The following ZSWIM8 variants were observed in gnomAD, a reference collection of about 807,000 sequenced individuals.
ZSWIM8 encodes the protein zinc finger SWIM-type containing 8, also known as zinc finger SWIM domain-containing protein 8.
ZSWIM8 carries 27 observed loss-of-function variants against 173.7 expected under a neutral mutation model. The observed-to-expected ratio is 0.16, with a 90% CI of 0.11 to 0.21. The LOEUF is 0.21. Ranked by LOEUF, ZSWIM8 falls within the 10% of genes least tolerant of loss-of-function variation. The probability of loss-of-function intolerance (pLI) is 1.00; values close to 1 mark genes in which losing one functional copy is unlikely to be tolerated. For synonymous variants in ZSWIM8, 958 were observed against 962.0 expected (o/e 1.00, Z 0.08); for missense variants, 1,627 against 2,428.8 (o/e 0.67, Z 6.94).
At position 73,793,639 on chromosome 10, in the gene ZSWIM8, G is replaced by T; in HGVS notation, c.2365G>T (p.Ala789Ser). The change falls in exon 11 of 26, where the codon GCC (alanine) becomes TCC (serine). Residue 789 changes from alanine to serine, a missense_variant. This residue lies in a region of ZSWIM8 where 383 missense variants were observed against 394.8 expected (regional missense o/e 0.97). Coordinates refer to ENST00000604729, the MANE Select transcript of ZSWIM8 (RefSeq NM_001367799.1). ...ALHAHGYSSE[A>S]SRLTVELAQD... ...GCATGCGCATGGCTATAGCAGTGAG[G>T]CCTCCCGTCTCACTGTGGAGCTTGC... is the stretch of plus-strand genomic sequence containing the variant. 6.2e-7 allele frequency: 1 copy of T among 1,613,502 alleles called. No individual in the cohort carries two copies. The highest frequency in any genetic ancestry group is 8.5e-7 in the Non-Finnish European group (1 of 1,179,602).
Position 73,800,827 on chromosome 10 carries a change from A to C in ZSWIM8, c.5122+68A>C. The C allele has an allele frequency of 8.1e-7, 1 of 1,234,640 alleles. No individual in the cohort carries two copies. The highest frequency in any genetic ancestry group is 1.1e-6 in the Non-Finnish European group (1 of 876,524). The allele number at this position is 1,234,640 out of a possible 1,614,324, so 76.5% of individuals were successfully genotyped here. On this transcript the variant is annotated intron_variant, in intron 24 of 25. Coordinates refer to ENST00000604729, the MANE Select transcript of ZSWIM8 (RefSeq NM_001367799.1). The surrounding 1 kb of genome is among the most constrained non-coding windows in gnomAD (Gnocchi z 4.1). ...GCTCTCCCCACCTTCCTTATCCCAG[A>C]CCTCCTTCCTAGCTCTTGCTCAGAG...
rs373698947 is a variant in ZSWIM8 at position 73,793,959 on chromosome 10, G to C, written c.2540G>C (p.Arg847Pro). ...TTCCTGTTGACAGTGCTAAGTGAGC[G>C]TCCAGAGCACCACAACCTGGCCTTC... ...AAFLLTVLSE[R>P]PEHHNLAFRV... Residue 847 changes from arginine (R) to proline (P), a missense_variant, in exon 12 of 26, where the codon CGT becomes CCT. Physicochemically the swap from Arg to Pro is moderately radical, Grantham distance 103. This residue lies in a region of ZSWIM8 where 169 missense variants were observed against 235.3 expected (regional missense o/e 0.72). Transcript: ENST00000604729. 14 of 1,613,220 alleles carry C rather than the reference G, an allele frequency of 8.7e-6. No individual in the cohort carries two copies. In the African/African-American group the frequency reaches 1.3e-4, roughly 15 times the overall value.
chr10:73,801,340 C>G lies in ZSWIM8; in HGVS notation c.5326C>G (p.Leu1776Val), dbSNP rs1271745633. Residue 1776 changes from leucine (L) to valine (V), a missense_variant, in exon 26 of 26, where the codon CTG (leucine) becomes GTG (valine). Physicochemically the swap from Leu to Val is conservative, Grantham distance 32. This residue lies in a region of ZSWIM8 where 122 missense variants were observed against 196.1 expected (regional missense o/e 0.62). Transcript: ENST00000604729. The surrounding 1 kb of genome is among the most constrained non-coding windows in gnomAD (Gnocchi z 4.9). ...GTACATCCACCACCGCTTGATTCAC[C>G]TGACTCCTGCGGACTACGACGACTT... ...MQYIHHRLIH[L>V]TPADYDDFVN... The G allele has an allele frequency of 6.2e-7, 1 of 1,613,950 alleles. No homozygotes were observed. Among genetic ancestry groups the G allele is most frequent in the South Asian group, 1.1e-5 (1 of 91,088 alleles).
chr10:73,785,812 AC>A lies in ZSWIM8; in HGVS notation c.-62del. 1 of 1,452,312 alleles carries A rather than the reference AC, an allele frequency of 6.9e-7. No individual in the cohort carries two copies. The highest frequency in any genetic ancestry group is 9.1e-7 in the Non-Finnish European group (1 of 1,098,878). The allele number at this position is 1,452,312 out of a possible 1,614,324, so 90.0% of individuals were successfully genotyped here. A position where few individuals can be genotyped will look rare whatever the true frequency, so the allele number is the denominator to read the frequency against. On this transcript the variant is annotated 5_prime_UTR_variant, in exon 1 of 26. Coordinates refer to ENST00000604729, the MANE Select transcript of ZSWIM8 (RefSeq NM_001367799.1). ...CCCTCAGGCCCCGGGCCTCCCCTCA[AC>A]CCCCGGCCGGCGGCCCAGGCCCCGG...
intron 11 of ZSWIM8, 47 bp downstream of exon 11, chr10:73,793,766 AC>A: frequency 6.8e-7 from 1 of 1,473,924 alleles, no homozygotes; most frequent in Non-Finnish European, 9.1e-7. Flanking sequence ...CTTACCCCCA[AC>A]CTGCTCCCAT....
chr10:73,792,701 C>T lies in ZSWIM8; in HGVS notation c.2162C>T (p.Ala721Val). ...CCCAAAACCAAAGAGGCAGCCCCTG[C>T]AGTTGGAGAGGAGGATGATGACTAC... ...GLPKTKEAAP[A>V]VGEEDDDYQA... Residue 721 changes from alanine (A) to valine (V), a missense_variant, in exon 10 of 26, where the codon GCA (alanine) becomes GTA (valine). Physicochemically the swap from Ala to Val is moderately conservative, Grantham distance 64. Around this residue, in one of 18 missense-constraint regions of ZSWIM8, gnomAD observed 383 missense variants for 394.8 expected, o/e 0.97. Coordinates refer to ENST00000604729, the MANE Select transcript of ZSWIM8 (RefSeq NM_001367799.1). This position sits in a 1 kb window ranked among gnomAD's most constrained non-coding sequence, Gnocchi z 4.3. 1 of 1,613,914 alleles carries T rather than the reference C, an allele frequency of 6.2e-7. No homozygotes were observed. The highest frequency in any genetic ancestry group is 1.1e-5 in the South Asian group (1 of 91,084).
chr10:73,791,512 T>A lies in ZSWIM8; in HGVS notation c.1319+13T>A, dbSNP rs534583434. On this transcript the variant is annotated intron_variant, in intron 9 of 25. Transcript: ENST00000604729. This position sits in a 1 kb window ranked among gnomAD's most constrained non-coding sequence, Gnocchi z 6.0. ...TCAGCCCCCAGCGGTGAGTCTCCCC[T>A]GAGGCTCACCACAGAACTGAGCCTG... 198 of 1,583,352 alleles carry A rather than the reference T, an allele frequency of 1.3e-4. 1 individual carries two copies. The Admixed American group carries it at 1.4e-3, about 11-fold the overall frequency.
In ZSWIM8 at chr10:73,793,697, A is replaced by C; in HGVS notation, c.2423A>C (p.Lys808Thr). ...QDLLANPPDL[K>T]VEPPPAKGKK... ...CTGCTAGCCAACCCACCCGACCTCAAGGTAGAGCCGCCCCCTGCCAAGGTG... is the reference window on the plus strand; with the variant it reads ...CTGCTAGCCAACCCACCCGACCTCACGGTAGAGCCGCCCCCTGCCAAGGTG... Residue 808 changes from lysine (K) to threonine (T), a missense_variant, in exon 11 of 26, where the codon AAG becomes ACG. This residue lies in a region of ZSWIM8 where 169 missense variants were observed against 235.3 expected (regional missense o/e 0.72). Coordinates refer to ENST00000604729, the MANE Select transcript of ZSWIM8 (RefSeq NM_001367799.1). 1 of 1,612,566 alleles carries C rather than the reference A, an allele frequency of 6.2e-7. No individual in the cohort carries two copies. Among genetic ancestry groups the C allele is most frequent in the Non-Finnish European group, 8.5e-7 (1 of 1,179,234 alleles).
chr10:73,797,284 G>T lies in ZSWIM8; in HGVS notation c.3433+13G>T. ...AAGAAGCACACAGGTAGGATAGCCT[G>T]TGGGCTAGCATAGAGGGAAGGATAA... is the stretch of plus-strand genomic sequence containing the variant. On this transcript the variant is annotated intron_variant, in intron 17 of 25. Coordinates refer to ENST00000604729, the MANE Select transcript of ZSWIM8 (RefSeq NM_001367799.1). This position sits in a 1 kb window ranked among gnomAD's most constrained non-coding sequence, Gnocchi z 5.6. 2 of 1,613,940 alleles carry T rather than the reference G, an allele frequency of 1.2e-6. No individual in the cohort carries two copies. Among genetic ancestry groups the T allele is most frequent in the Non-Finnish European group, 1.7e-6 (2 of 1,179,842 alleles).
intron 20 of ZSWIM8, among the ~76,000 whole-genome samples, chr10:73,798,688 C>T (rs777319571): frequency 3.9e-5 from 6 of 152,132 alleles, no homozygotes; most frequent in Non-Finnish European, 5.9e-5. Context: ...TGGAGGCCTA[C>T]GGTTTAGGGA....
Position 73,791,560 on chromosome 10 carries a change from C to G in ZSWIM8, c.1319+61C>G. On this transcript the variant is annotated intron_variant, in intron 9 of 25. Transcript: ENST00000604729. The surrounding 1 kb of genome is among the most constrained non-coding windows in gnomAD (Gnocchi z 6.0). Reference sequence around the variant, plus strand: ...CTGGGCCAGCTCAGGACAGACTGAGCCTTCATCTCCTTGTTTGCAGAGACA... The same window carrying G: ...CTGGGCCAGCTCAGGACAGACTGAGGCTTCATCTCCTTGTTTGCAGAGACA... 1.0e-5 allele frequency: 15 copies of G among 1,458,826 alleles called. No homozygotes were observed. Among genetic ancestry groups the G allele is most frequent in the Non-Finnish European group, 1.4e-5 (15 of 1,095,366 alleles). 90.4% of individuals were successfully genotyped at this position (1,458,826 alleles called of 1,614,324 possible).
At chr10:73,794,110 A>G in intron 12 of ZSWIM8, 37 bp from the exon 13 acceptor site, 1 of 1,612,156 alleles carries the variant, frequency 6.2e-7, no homozygotes, top group Non-Finnish European at 8.5e-7. Flanking sequence ...ATCTCTATTG[A>G]CACACCAGAG....
In ZSWIM8 at chr10:73,792,423, G is replaced by A. The variant is rs745921992; in HGVS notation, c.1884G>A (p.Leu628=). ...LAEMSLDDSS[L]ALGAEASTFG... is the part of the protein sequence containing the mutation. Reference sequence around the variant, plus strand: ...AGATGAGCCTGGATGACAGCAGCCTGGCCCTGGGCGCAGAGGCCAGCACCT... The same window carrying A: ...AGATGAGCCTGGATGACAGCAGCCTAGCCCTGGGCGCAGAGGCCAGCACCT... Residue 628 remains leucine, a synonymous_variant, in exon 10 of 26, where the codon CTG becomes CTA. Coordinates refer to ENST00000604729, the MANE Select transcript of ZSWIM8 (RefSeq NM_001367799.1). This position sits in a 1 kb window ranked among gnomAD's most constrained non-coding sequence, Gnocchi z 4.3. The A allele has an allele frequency of 1.2e-6, 2 of 1,604,296 alleles. No homozygotes were observed. The highest frequency in any genetic ancestry group is 1.1e-5 in the South Asian group (1 of 89,844).
At position 73,795,662 on chromosome 10, in the gene ZSWIM8, A is replaced by C. The variant is rs2083604714; in HGVS notation, c.3032A>C (p.Lys1011Thr). ...TYKDDQAKLK[K>T]ILDKLLDRES... is the part of the protein sequence containing the mutation. The stretch of plus-strand genomic sequence containing the variant: ...AAGGACGACCAGGCCAAGCTTAAGA[A>C]GGTAAGAGACTGGGGCTGGGTGCGG... The change falls in exon 15 of 26, where the codon AAG (lysine) becomes ACG (threonine). Residue 1011 changes from lysine to threonine, a missense_variant and splice_region_variant. Lys to Thr is a moderately conservative substitution (Grantham distance 78). Transcript: ENST00000604729. 3 of 1,612,214 alleles carry C rather than the reference A, an allele frequency of 1.9e-6. No individual in the cohort carries two copies. The highest frequency in any genetic ancestry group is 1.3e-5 in the African/African-American group (1 of 74,936).
chr10:73,800,771 C>T lies in ZSWIM8; in HGVS notation c.5122+12C>T, dbSNP rs1317852069. On this transcript the variant is annotated intron_variant, in intron 24 of 25. Coordinates refer to ENST00000604729, the MANE Select transcript of ZSWIM8 (RefSeq NM_001367799.1). The surrounding 1 kb of genome is among the most constrained non-coding windows in gnomAD (Gnocchi z 4.1). ...GGCAGCAAAGCTGGGTAACACCTCC[C>T]CTCCCTAGGACCATTGCCCCCCCCC... The T allele has an allele frequency of 1.2e-6, 2 of 1,604,182 alleles. No individual in the cohort carries two copies. Among genetic ancestry groups the T allele is most frequent in the Non-Finnish European group, 1.7e-6 (2 of 1,173,368 alleles).
Position 73,801,407 on chromosome 10 carries a change from C to T in ZSWIM8, c.5393C>T (p.Thr1798Met), listed in dbSNP as rs2083956563. The T allele has an allele frequency of 1.2e-6, 2 of 1,614,004 alleles. No homozygotes were observed. Among genetic ancestry groups the T allele is most frequent in the Non-Finnish European group, 1.7e-6 (2 of 1,179,886 alleles). The change falls in exon 26 of 26, where the codon ACG (threonine) becomes ATG (methionine). Residue 1798 changes from threonine (T) to methionine (M), a missense_variant. Coordinates refer to ENST00000604729, the MANE Select transcript of ZSWIM8 (RefSeq NM_001367799.1). The surrounding 1 kb of genome is among the most constrained non-coding windows in gnomAD (Gnocchi z 4.9). ...IRSARSAFCL[T>M]PMGMMQFNDI... ...AGTGCCCGCAGCGCCTTCTGCCTGA[C>T]GCCCATGGGCATGATGCAGTTCAAC...
In ZSWIM8 at chr10:73,791,188, G is replaced by A. The variant is rs551183753; in HGVS notation, c.1143+12G>A. The A allele has an allele frequency of 1.9e-6, 3 of 1,585,678 alleles. No homozygotes were observed. In the East Asian group the frequency reaches 6.8e-5, roughly 36 times the overall value. ...TCACCTATGAACAGGTAATCACTCA[G>A]CGTTGGGGAGCCCCGTGGTAGCTCA... On this transcript the variant is annotated intron_variant, in intron 8 of 25. Transcript: ENST00000604729. The surrounding 1 kb of genome is among the most constrained non-coding windows in gnomAD (Gnocchi z 6.0).
rs932144563 is a variant in ZSWIM8 at position 73,798,583 on chromosome 10, G to C, written c.4176+130G>C. 6 of 836,452 alleles carry C rather than the reference G, an allele frequency of 7.2e-6. No homozygotes were observed. In the African/African-American group the frequency reaches 8.5e-5, roughly 12 times the overall value. The allele number at this position is 836,452 out of a possible 1,614,324, so 51.8% of individuals were successfully genotyped here. ...TACAGATGATTGTTGGTCCTCTCATGGCAACATTTTACCCATTAATGTGCT... is the reference window on the plus strand; with the variant it reads ...TACAGATGATTGTTGGTCCTCTCATCGCAACATTTTACCCATTAATGTGCT... On this transcript the variant is annotated intron_variant, in intron 20 of 25. Coordinates refer to ENST00000604729, the MANE Select transcript of ZSWIM8 (RefSeq NM_001367799.1).
Position 73,791,914 on chromosome 10 carries a change from G to C in ZSWIM8, c.1375G>C (p.Val459Leu). ...GTGGCAACTGAAGGTGATTGAGAAC[G>C]TCAAGCGGGGCCAACACAAGAAGAC... ...RQWQLKVIEN[V>L]KRGQHKKTLE... The change falls in exon 10 of 26, where the codon GTC becomes CTC. Residue 459 changes from valine (V) to leucine (L), a missense_variant. This residue lies in a region of ZSWIM8 where 103 missense variants were observed against 155.6 expected (regional missense o/e 0.66). Transcript: ENST00000604729. This position sits in a 1 kb window ranked among gnomAD's most constrained non-coding sequence, Gnocchi z 6.0. The C allele has an allele frequency of 6.4e-7, 1 of 1,551,304 alleles. No individual in the cohort carries two copies. The highest frequency in any genetic ancestry group is 8.7e-7 in the Non-Finnish European group (1 of 1,146,694).
Sources: allele counts gnomAD v4.1 joint callset (sites outside exome capture counted in the v4.1 genomes callset), GRCh38; gene constraint gnomAD v4.1.1; regional missense constraint gnomAD v4.1.1; non-coding constraint Gnocchi (gnomAD v3.1); transcripts MANE v1.5; gene names NCBI Gene and HGNC (gene_info 2026-07-23, HGNC 2026-07-21).